The following GLG1 variants were observed in gnomAD, a reference collection of about 807,000 sequenced individuals.
GLG1 encodes the protein Golgi apparatus protein 1.
Under a neutral mutation model 160.5 loss-of-function variants are expected in GLG1, and 38 were observed. The observed-to-expected ratio is 0.24, with a 90% CI of 0.18 to 0.31. The LOEUF (loss-of-function observed/expected upper bound fraction) is 0.31. Ranked by LOEUF, GLG1 falls within the 10% of genes least tolerant of loss-of-function variation. GLG1 has a pLI of 1.00. For synonymous variants in GLG1, 644 were observed against 543.4 expected (o/e 1.19, Z -2.57); for missense variants, 1,373 against 1,505.2 (o/e 0.91, Z 1.45).
intron 21 of GLG1, 108 bp downstream of exon 21, chr16:74,462,380 G>C: frequency 1.8e-6 from 2 of 1,099,494 alleles, no homozygotes; most frequent in Non-Finnish European, 2.7e-6. Context: ...GGGAAGATAT[G>C]AAAAAGGTCT....
chr16:74,454,467 A>G (rs1036443266), intron 25 of GLG1, among the ~76,000 whole-genome samples: 30 of 150,930 alleles, frequency 2.0e-4, no homozygotes, highest in Non-Finnish European at 4.3e-4. Flanking sequence ...GGAGTTCAAG[A>G]CCAGCCTGGC....
At chr16:74,521,184 T>C (rs1376063195) in intron 2 of GLG1, among the ~76,000 whole-genome samples, 2 of 152,090 alleles carry the variant, frequency 1.3e-5, no homozygotes, top group African/African-American at 2.4e-5. Context: ...GTGGCTTAAG[T>C]AGAGGTGGCA....
At chr16:74,523,545 C>A (rs1436312562) in intron 2 of GLG1, among the ~76,000 whole-genome samples, 1 of 152,056 alleles carries the variant, frequency 6.6e-6, no homozygotes, top group African/African-American at 2.4e-5. Context: ...TTTTATAACA[C>A]CAAGTCTTCC....
At chr16:74,456,377 G>A (rs1295100999) in intron 25 of GLG1, among the ~76,000 whole-genome samples, 1 of 152,214 alleles carries the variant, frequency 6.6e-6, no homozygotes, top group African/African-American at 2.4e-5. Context: ...GGCCAGGTTG[G>A]TCTCGATCTC....
chr16:74,591,035 G>A (rs1178678093), intron 1 of GLG1, among the ~76,000 whole-genome samples: 3 of 151,936 alleles, frequency 2.0e-5, no homozygotes, highest in African/African-American at 7.2e-5. Context: ...AGTTACTTCT[G>A]AAAGAAGACT....
chr16:74,489,375 G>T (rs71391089), intron 8 of GLG1, among the ~76,000 whole-genome samples: 21,898 of 151,804 alleles, frequency 0.14, 1,769 homozygotes, highest in Middle Eastern at 0.2. Context: ...GGAGGTTGAG[G>T]CAGGAGAATC....
intron 3 of GLG1, among the ~76,000 whole-genome samples, chr16:74,507,650 T>C (rs544891646): frequency 6.0e-4 from 91 of 152,022 alleles, no homozygotes; most frequent in African/African-American, 2.0e-3. Context: ...GCAGGAGAAC[T>C]GCTTGAACCC....
intron 3 of GLG1, among the ~76,000 whole-genome samples, chr16:74,504,405 A>C (rs144405443): frequency 4.6e-5 from 7 of 152,240 alleles, no homozygotes; most frequent in African/African-American, 1.7e-4. Flanking sequence ...CTCCTGCCTC[A>C]GCTTCCTGAG....
chr16:74,538,592 T>C (rs532321810), intron 1 of GLG1, among the ~76,000 whole-genome samples: 4 of 152,184 alleles, frequency 2.6e-5, no homozygotes, highest in Admixed American at 6.5e-5. Flanking sequence ...AAAAGGACAG[T>C]GATCAGCACA....
intron 1 of GLG1, among the ~76,000 whole-genome samples, chr16:74,575,003 G>A (rs1460804554): frequency 2.1e-5 from 1 of 47,894 alleles, no homozygotes; most frequent in Non-Finnish European, 5.1e-5. Flanking sequence ...CACTTTGGGA[G>A]GCCGGGGGGG....
intron 1 of GLG1, among the ~76,000 whole-genome samples, chr16:74,535,698 G>C (rs976049966): frequency 6.6e-6 from 1 of 152,208 alleles, no homozygotes; most frequent in African/African-American, 2.4e-5. Flanking sequence ...CCTGCCCAAA[G>C]TGCTGGGACT....
At chr16:74,527,110 T>C (rs147053065) in intron 2 of GLG1, among the ~76,000 whole-genome samples, 19,590 of 152,234 alleles carry the variant, frequency 0.13, 1,701 homozygotes, top group Admixed American at 0.24. Context: ...TGCTACCTCA[T>C]ACACAATATA....
rs747168387 is a variant in GLG1, at chr16:74,607,062, G to A, written c.33C>T (p.Phe11=). ...GCAGATGCAGCGCCGCCGACAAGCGGAACATCCTCCGTACACGTCCACACG... is the reference window on the plus strand; with the variant it reads ...GCAGATGCAGCGCCGCCGACAAGCGAAACATCCTCCGTACACGTCCACACG... The part of the protein sequence containing the change: MAACGRVRRM[F]RLSAALHLLL... The change falls in exon 1 of 26, where the codon TTC becomes TTT. Residue 11 remains phenylalanine (F), a synonymous_variant. Transcript: ENST00000422840. The A allele has an allele frequency of 2.5e-6, 4 of 1,584,728 alleles. No homozygotes were observed. The highest frequency in any genetic ancestry group is 2.3e-5 in the South Asian group (2 of 88,016).
chr16:74,543,286 G>C (rs1183639157), intron 1 of GLG1, among the ~76,000 whole-genome samples: 1 of 152,170 alleles, frequency 6.6e-6, no homozygotes, highest in Non-Finnish European at 1.5e-5. Context: ...GCTAAATTGG[G>C]AAAAAAATTT....
At chr16:74,590,299 G>A (rs1299876078) in intron 1 of GLG1, among the ~76,000 whole-genome samples, 1 of 151,882 alleles carries the variant, frequency 6.6e-6, no homozygotes, top group Non-Finnish European at 1.5e-5. Context: ...GTGCCTAGCC[G>A]ATAATTTTTC....
At chr16:74,579,823 G>C (rs1406576586) in intron 1 of GLG1, among the ~76,000 whole-genome samples, 1 of 152,138 alleles carries the variant, frequency 6.6e-6, no homozygotes, top group Non-Finnish European at 1.5e-5. Flanking sequence ...CCAGCACTTT[G>C]GGAGGCGAAG....
intron 1 of GLG1, among the ~76,000 whole-genome samples, chr16:74,550,605 T>C (rs918403048): frequency 1.3e-5 from 2 of 152,228 alleles, no homozygotes; most frequent in African/African-American, 4.8e-5. Context: ...AAAGAGTATT[T>C]TTTAATTGTA....
intron 2 of GLG1, among the ~76,000 whole-genome samples, chr16:74,529,424 T>C (rs1249267217): frequency 6.6e-6 from 1 of 151,310 alleles, no homozygotes; most frequent in East Asian, 1.9e-4. Flanking sequence ...CATTTTAATT[T>C]TCCTCTATTT....
rs2014716978 is a variant in GLG1 at position 74,459,895 on chromosome 16, A to G, written c.3037-106T>C. 5 of 602,128 alleles carry G rather than the reference A, an allele frequency of 8.3e-6. No individual in the cohort carries two copies. The East Asian group carries it at 1.5e-4, about 18-fold the overall frequency. 37.3% of individuals were successfully genotyped at this position (602,128 alleles called of 1,614,324 possible). On this transcript the variant is annotated intron_variant, in intron 22 of 25. Transcript: ENST00000422840. ...TTTTGAAACAGAGCCAAGCTCTGTC[A>G]CCCAGGCTGCAGTGCAGTGGTGCGA...
Sources: allele counts gnomAD v4.1 joint callset (sites outside exome capture counted in the v4.1 genomes callset), GRCh38; gene constraint gnomAD v4.1.1; transcripts MANE v1.5; gene names NCBI Gene and HGNC (gene_info 2026-07-23, HGNC 2026-07-21).